Variants in SHISA9 observed in about 807,000 individuals in gnomAD.
SHISA9 encodes the protein shisa family member 9, also known as protein shisa-9.
Under a neutral mutation model 38.0 loss-of-function variants are expected in SHISA9, and 13 were observed. The ratio of observed to expected loss-of-function variants is 0.34; its 90% confidence interval spans 0.22 to 0.54. The LOEUF (loss-of-function observed/expected upper bound fraction) is 0.54, where lower values mean the gene tolerates loss of function less well. Ranked by LOEUF, SHISA9 falls within the 20% of genes least tolerant of loss-of-function variation. SHISA9 has a pLI of 0.91. For missense variants in SHISA9, 538 were observed against 575.8 expected (o/e 0.93, Z 0.67); for synonymous variants, 275 against 242.0 (o/e 1.14, Z -1.27).
At chr16:13,479,837 G>T in the SHISA9 span, among the ~76,000 whole-genome samples, 2 of 152,160 alleles carry the variant, frequency 1.3e-5, no homozygotes, top group Non-Finnish European at 2.9e-5. Flanking sequence ...ATTCCCATGT[G>T]TGTGAAAATT....
chr16:13,262,845 TA>T, the SHISA9 span, among the ~76,000 whole-genome samples: 18 of 152,232 alleles, frequency 1.2e-4, no homozygotes, highest in African/African-American at 3.4e-4. Context: ...TTGAGAGATA[TA>T]AAGCTAATTT....
the SHISA9 span, among the ~76,000 whole-genome samples, chr16:13,370,386 T>A: frequency 2.0e-5 from 3 of 152,160 alleles, no homozygotes; most frequent in Non-Finnish European, 2.9e-5. Flanking sequence ...GAACAAGAAA[T>A]GCCTTGGCCC....
At chr16:13,514,454 A>G in the SHISA9 span, among the ~76,000 whole-genome samples, 1 of 152,234 alleles carries the variant, frequency 6.6e-6, no homozygotes, top group Non-Finnish European at 1.5e-5. Context: ...AAAGAATATT[A>G]TAAGTGTATC....
intron 2 of SHISA9, among the ~76,000 whole-genome samples, chr16:13,120,308 T>G (rs2141976851): frequency 6.6e-6 from 1 of 152,280 alleles, no homozygotes; most frequent in South Asian, 2.1e-4. Context: ...ACTGGAGCCC[T>G]TTGGCTTATC....
chr16:13,121,832 TACACACACACACACACACACACAC>T (rs55727441), intron 2 of SHISA9, among the ~76,000 whole-genome samples: 16 of 134,916 alleles, frequency 1.2e-4, no homozygotes, highest in South Asian at 2.6e-4. Context: ...TATACACACA[TACACACACACACACACACACACAC>T]ACACACACAC....
intron 2 of SHISA9, among the ~76,000 whole-genome samples, chr16:13,079,646 T>C (rs1229235786): frequency 1.3e-5 from 2 of 152,212 alleles, no homozygotes; most frequent in Non-Finnish European, 2.9e-5. Flanking sequence ...CTGACAATGC[T>C]CTCTGTTTGA....
the SHISA9 span, among the ~76,000 whole-genome samples, chr16:13,493,000 C>T: frequency 6.6e-6 from 1 of 152,142 alleles, no homozygotes; most frequent in Non-Finnish European, 1.5e-5. Flanking sequence ...AAAGGGCCAG[C>T]TCCTGCTGCA....
the SHISA9 span, among the ~76,000 whole-genome samples, chr16:13,478,266 A>T: frequency 6.6e-6 from 1 of 151,960 alleles, no homozygotes; most frequent in South Asian, 2.1e-4. Flanking sequence ...TGTTTCAAAG[A>T]TTGTCTCCAA....
At chr16:13,293,377 A>T in the SHISA9 span, among the ~76,000 whole-genome samples, 1 of 152,160 alleles carries the variant, frequency 6.6e-6, no homozygotes, top group South Asian at 2.1e-4. Context: ...TTGTTGTACC[A>T]TCTGCAAAGC....
At chr16:13,283,498 C>A in the SHISA9 span, among the ~76,000 whole-genome samples, 1 of 152,062 alleles carries the variant, frequency 6.6e-6, no homozygotes, top group Non-Finnish European at 1.5e-5. Context: ...AAGCAAGTCA[C>A]ATCTTACATG....
chr16:13,051,349 G>A (rs2073248740), intron 2 of SHISA9, among the ~76,000 whole-genome samples: 2 of 152,168 alleles, frequency 1.3e-5, no homozygotes, highest in South Asian at 4.1e-4. Flanking sequence ...CAGTATGGGG[G>A]AAACCACCCC....
Position 13,235,033 on chromosome 16 carries a change from A to G in SHISA9, c.899A>G (p.Asp300Gly). The change falls in exon 5 of 5, where the codon GAC (aspartate) becomes GGC (glycine). Residue 300 changes from aspartate to glycine, a missense_variant. Physicochemically the swap from Asp to Gly is moderately conservative, Grantham distance 94. Coordinates refer to ENST00000558583, the MANE Select transcript of SHISA9 (RefSeq NM_001145204.3). ...AVSTLKSPKA[D>G]KVNDDFYTKR... ...ATCCACCCGTTCCGATGTGTAGCTGACAAGGTCAATGACGACTTCTACACC... is the reference window on the plus strand; with the variant it reads ...ATCCACCCGTTCCGATGTGTAGCTGGCAAGGTCAATGACGACTTCTACACC... 5 of 1,541,936 alleles carry G rather than the reference A, an allele frequency of 3.2e-6. No individual in the cohort carries two copies. Among genetic ancestry groups the G allele is most frequent in the Non-Finnish European group, 4.4e-6 (5 of 1,140,234 alleles).
At chr16:12,980,918 C>T (rs1224084440) in intron 2 of SHISA9, among the ~76,000 whole-genome samples, 1 of 151,846 alleles carries the variant, frequency 6.6e-6, no homozygotes, top group East Asian at 1.9e-4. Context: ...TAAATATTTT[C>T]TTATTCCTAC....
the SHISA9 span, among the ~76,000 whole-genome samples, chr16:13,536,021 C>T: frequency 6.9e-5 from 10 of 145,642 alleles, no homozygotes; most frequent in East Asian, 1.2e-3. Flanking sequence ...TTTTTTGAAA[C>T]GAAGTCTCAC....
the SHISA9 span, among the ~76,000 whole-genome samples, chr16:13,379,748 C>G: frequency 1.1e-4 from 16 of 152,144 alleles, no homozygotes; most frequent in African/African-American, 3.9e-4. Flanking sequence ...CTTCTGTTAT[C>G]AAATGCCTTT....
At chr16:13,424,067 C>T in the SHISA9 span, among the ~76,000 whole-genome samples, 1 of 152,172 alleles carries the variant, frequency 6.6e-6, no homozygotes, top group Non-Finnish European at 1.5e-5. Context: ...CCATAGAAGC[C>T]ATATCCAATC....
At chr16:13,131,619 TAAA>T in intron 2 of SHISA9, among the ~76,000 whole-genome samples, 1 of 150,164 alleles carries the variant, frequency 6.7e-6, no homozygotes, top group African/African-American at 2.5e-5. Context: ...CCCTAGAGCT[TAAA>T]AGTTGATGGA....
chr16:12,904,946 G>C (rs1264050529), intron 1 of SHISA9, among the ~76,000 whole-genome samples: 1 of 152,114 alleles, frequency 6.6e-6, no homozygotes, highest in Non-Finnish European at 1.5e-5. Flanking sequence ...TTGAACTCCT[G>C]ACCTCCAGTG....
At chr16:13,249,788 T>C in the SHISA9 span, among the ~76,000 whole-genome samples, 2 of 152,164 alleles carry the variant, frequency 1.3e-5, no homozygotes, top group South Asian at 4.1e-4. Flanking sequence ...CAAGCTAGAG[T>C]GCAGTGGCAT....
Sources: allele counts gnomAD v4.1 joint callset (sites outside exome capture counted in the v4.1 genomes callset), GRCh38; gene constraint gnomAD v4.1.1; transcripts MANE v1.5; gene names NCBI Gene and HGNC (gene_info 2026-07-23, HGNC 2026-07-21).